Variants in IFT43 observed in about 807,000 individuals in gnomAD.
IFT43 encodes intraflagellar transport 43, also known as intraflagellar transport protein 43 homolog.
IFT43 carries 33 observed loss-of-function variants against 32.3 expected under a neutral mutation model. The observed-to-expected ratio is 1.02, with a 90% CI of 0.77 to 1.37. IFT43 has a LOEUF of 1.37. IFT43 is among the 40% of genes most tolerant of loss of function. The pLI, the probability that IFT43 is intolerant of heterozygous loss-of-function variation, is 0.00. For synonymous variants in IFT43, 93 were observed against 98.2 expected (o/e 0.95, Z 0.31); for missense variants, 274 against 265.9 (o/e 1.03, Z -0.21).
chr14:76,053,929 C>T (rs1470716557), intron 3 of IFT43, among the ~76,000 whole-genome samples: 1 of 152,192 alleles, frequency 6.6e-6, no homozygotes, highest in African/African-American at 2.4e-5. Flanking sequence ...GGAACAGAGA[C>T]TTCACCTAGT....
chr14:75,995,426 T>C (rs945008461), intron 2 of IFT43, among the ~76,000 whole-genome samples: 2 of 152,124 alleles, frequency 1.3e-5, no homozygotes, highest in Non-Finnish European at 2.9e-5. Context: ...GCTGTTCCCT[T>C]TCTCTCCCCC....
At chr14:75,990,780 C>T (rs1454440910) in intron 2 of IFT43, among the ~76,000 whole-genome samples, 3 of 152,168 alleles carry the variant, frequency 2.0e-5, no homozygotes, top group Admixed American at 1.3e-4. Context: ...AGAGAAAACG[C>T]GGAAGCAAAT....
intron 3 of IFT43, among the ~76,000 whole-genome samples, chr14:76,038,372 C>CATAG (rs1421302670): frequency 6.6e-6 from 1 of 152,148 alleles, no homozygotes; most frequent in Non-Finnish European, 1.5e-5. Context: ...TTTTGCCCTG[C>CATAG]ATAGATGCTT....
At chr14:76,027,939 A>C (rs2036435145) in intron 3 of IFT43, among the ~76,000 whole-genome samples, 1 of 151,878 alleles carries the variant, frequency 6.6e-6, no homozygotes, top group South Asian at 2.1e-4. Flanking sequence ...ACTAGTCCTC[A>C]CCTTTCCCCA....
At chr14:76,010,904 C>CTT (rs759636307) in intron 2 of IFT43, among the ~76,000 whole-genome samples, 12 of 139,996 alleles carry the variant, frequency 8.6e-5, no homozygotes, top group African/African-American at 1.0e-4. Context: ...CTCACTTCTC[C>CTT]TTTTTTTTTT....
intron 5 of IFT43, among the ~76,000 whole-genome samples, chr14:76,068,583 G>T (rs2037267064): frequency 1.3e-5 from 2 of 152,192 alleles, no homozygotes; most frequent in East Asian, 3.9e-4. Flanking sequence ...CAAACTGTAG[G>T]ATGGCAAAAC....
chr14:76,050,861 G>T (rs899855545), intron 3 of IFT43, among the ~76,000 whole-genome samples: 1 of 152,120 alleles, frequency 6.6e-6, no homozygotes, highest in Non-Finnish European at 1.5e-5. Flanking sequence ...GCCTTTTCTT[G>T]ATAGCAGGCA....
intron 3 of IFT43, among the ~76,000 whole-genome samples, chr14:76,053,727 G>C (rs554196314): frequency 6.6e-6 from 1 of 152,330 alleles, no homozygotes; most frequent in East Asian, 1.9e-4. Context: ...TGATGGAGTA[G>C]CTCTTAAAAA....
At chr14:76,040,526 G>A (rs2036687606) in intron 3 of IFT43, among the ~76,000 whole-genome samples, 2 of 152,136 alleles carry the variant, frequency 1.3e-5, no homozygotes, top group Non-Finnish European at 2.9e-5. Context: ...CTTCTACTTG[G>A]GTTGATATAG....
intron 1 of IFT43, among the ~76,000 whole-genome samples, chr14:75,987,716 CTAAA>C (rs2035556172): frequency 6.6e-6 from 1 of 152,164 alleles, no homozygotes; most frequent in Admixed American, 6.5e-5. Context: ...AAGAGTCTGA[CTAAA>C]TAAAGTTTTG....
At chr14:75,998,849 C>T (rs966775028) in intron 2 of IFT43, among the ~76,000 whole-genome samples, 7 of 152,324 alleles carry the variant, frequency 4.6e-5, no homozygotes, top group Middle Eastern at 3.4e-3. Context: ...TCCTCCCCCT[C>T]GGCCTGCCGA....
intron 3 of IFT43, among the ~76,000 whole-genome samples, chr14:76,053,812 G>A (rs147457907): frequency 6.6e-6 from 1 of 152,262 alleles, no homozygotes; most frequent in East Asian, 1.9e-4. Flanking sequence ...AATATTGAAC[G>A]AGCATCTCTA....
intron 3 of IFT43, among the ~76,000 whole-genome samples, chr14:76,040,137 T>G (rs1177204784): frequency 6.6e-6 from 1 of 152,068 alleles, no homozygotes; most frequent in Non-Finnish European, 1.5e-5. Context: ...TTTTTTTTTG[T>G]GGAGACAGGG....
chr14:75,999,295 T>TAA (rs2139892412), intron 2 of IFT43, among the ~76,000 whole-genome samples: 1 of 116,426 alleles, frequency 8.6e-6, no homozygotes, highest in African/African-American at 3.5e-5. Context: ...TTTTTTTTTT[T>TAA]TTTTTAATTT....
intron 5 of IFT43, among the ~76,000 whole-genome samples, chr14:76,080,169 CT>C (rs984463016): frequency 2.0e-5 from 3 of 152,196 alleles, no homozygotes; most frequent in African/African-American, 7.2e-5. Flanking sequence ...TCCAGCTTGC[CT>C]TGGCCTGGCT....
chr14:76,055,408 A>C (rs1027628893), intron 3 of IFT43, among the ~76,000 whole-genome samples: 2 of 152,118 alleles, frequency 1.3e-5, no homozygotes, highest in African/African-American at 4.8e-5. Flanking sequence ...GTATGTGTAT[A>C]TATAAAACAG....
At chr14:76,010,863 C>G (rs764967541) in intron 2 of IFT43, among the ~76,000 whole-genome samples, 2 of 150,590 alleles carry the variant, frequency 1.3e-5, no homozygotes, top group Non-Finnish European at 3.0e-5. Flanking sequence ...TCTTTTAAGT[C>G]TCTTTTAATT....
intron 2 of IFT43, among the ~76,000 whole-genome samples, chr14:76,006,500 G>A (rs1018485075): frequency 6.6e-6 from 1 of 152,160 alleles, no homozygotes; most frequent in Non-Finnish European, 1.5e-5. Flanking sequence ...ACTGTAGCAT[G>A]TTTTAACACT....
chr14:76,049,665 GTTC>G (rs2036875639), intron 3 of IFT43, among the ~76,000 whole-genome samples: 1 of 152,202 alleles, frequency 6.6e-6, no homozygotes, highest in Non-Finnish European at 1.5e-5. Context: ...TCATACAGCG[GTTC>G]TTCTTAGCTG....
Sources: gnomAD v4.1 joint callset for allele counts (sites outside exome capture counted in the v4.1 genomes callset) on GRCh38, gnomAD v4.1.1 for gene constraint, MANE v1.5 for transcripts, NCBI Gene and HGNC (gene_info 2026-07-23, HGNC 2026-07-21) for gene names.